LRRTM4: variants seen among roughly 807,000 people sequenced by gnomAD.
LRRTM4 encodes leucine rich repeat transmembrane neuronal 4, also known as leucine-rich repeat transmembrane neuronal protein 4.
In LRRTM4, 25 loss-of-function variants were observed where a neutral mutation model predicts 47.6. The observed-to-expected ratio is 0.53, with a 90% CI of 0.38 to 0.73. LRRTM4 has a LOEUF of 0.73. Among genes scored for constraint, LRRTM4 ranks in the 30% least tolerant of loss-of-function variants. The probability of loss-of-function intolerance (pLI) is 0.00; values close to 1 mark genes in which losing one functional copy is unlikely to be tolerated. For synonymous variants in LRRTM4, 311 were observed against 269.5 expected (o/e 1.15, Z -1.51); for missense variants, 638 against 713.4 (o/e 0.89, Z 1.20).
chr2:76,878,971 C>T (rs1672853261), intron 3 of LRRTM4, among the ~76,000 whole-genome samples: 1 of 152,100 alleles, frequency 6.6e-6, no homozygotes. Flanking sequence ...CCCAGCAAGT[C>T]CCTAAATCTC....
chr2:76,821,882 G>A (rs548333659), intron 3 of LRRTM4, among the ~76,000 whole-genome samples: 38 of 151,724 alleles, frequency 2.5e-4, no homozygotes, highest in African/African-American at 9.2e-4. Context: ...CTCTCTCCCT[G>A]TTCCTCCTGG....
intron 3 of LRRTM4, among the ~76,000 whole-genome samples, chr2:77,476,745 A>C (rs2104004107): frequency 6.6e-6 from 1 of 152,292 alleles, no homozygotes; most frequent in South Asian, 2.1e-4. Context: ...TTTACAAATT[A>C]ATAGTCTAAA....
chr2:77,208,323 A>G (rs1164796288), intron 3 of LRRTM4, among the ~76,000 whole-genome samples: 1 of 152,290 alleles, frequency 6.6e-6, no homozygotes, highest in South Asian at 2.1e-4. Flanking sequence ...AAAGAGAAGA[A>G]TGTAAGTCAT....
At chr2:77,127,595 T>A (rs756692422) in intron 3 of LRRTM4, among the ~76,000 whole-genome samples, 3 of 152,130 alleles carry the variant, frequency 2.0e-5, no homozygotes, top group Non-Finnish European at 2.9e-5. Context: ...GGTAATCCCC[T>A]CTCTCTCTTC....
At chr2:77,205,577 G>C (rs1674101175) in intron 3 of LRRTM4, among the ~76,000 whole-genome samples, 2 of 152,136 alleles carry the variant, frequency 1.3e-5, no homozygotes, top group African/African-American at 4.8e-5. Context: ...ACGGAGGCCA[G>C]AGCACAAAGA....
intron 3 of LRRTM4, among the ~76,000 whole-genome samples, chr2:77,438,623 G>T (rs1171192555): frequency 6.6e-6 from 1 of 151,990 alleles, no homozygotes; most frequent in East Asian, 1.9e-4. Context: ...AGCCAGGATG[G>T]TCTCGATCTC....
At chr2:77,058,077 T>A (rs1403112758) in intron 3 of LRRTM4, among the ~76,000 whole-genome samples, 2 of 152,186 alleles carry the variant, frequency 1.3e-5, no homozygotes, top group South Asian at 2.1e-4. Flanking sequence ...TCCCACCTTA[T>A]GGGAACATTT....
At chr2:76,854,024 A>G (rs1380094314) in intron 3 of LRRTM4, among the ~76,000 whole-genome samples, 2 of 152,152 alleles carry the variant, frequency 1.3e-5, no homozygotes, top group Non-Finnish European at 2.9e-5. Flanking sequence ...GAAATCATTT[A>G]TCATGGTCTC....
At chr2:77,107,939 G>C (rs1671143821) in intron 3 of LRRTM4, among the ~76,000 whole-genome samples, 1 of 151,746 alleles carries the variant, frequency 6.6e-6, no homozygotes, top group Admixed American at 6.6e-5. Context: ...AAATAACAAG[G>C]TAACACTACA....
At position 77,373,271 on chromosome 2, in the gene LRRTM4, AG is replaced by A. The variant is rs1672719029; in HGVS notation, c.1551+145046del. 1.3e-5 allele frequency among the ~76,000 whole-genome samples: 2 copies of A among 151,302 alleles called. 1 individual carries two copies. Among genetic ancestry groups the A allele is most frequent in the South Asian group, 4.1e-4 (2 of 4,828 alleles). The stretch of plus-strand genomic sequence containing the variant: ...TTTATAAACTAAATGGGTAATAAAC[AG>A]ATTGTGAAAGAAGTAAATAATATAT... On this transcript the variant is annotated intron_variant, in intron 3 of 3. Coordinates refer to ENST00000409884, the MANE Select transcript of LRRTM4 (RefSeq NM_001134745.3).
chr2:77,047,277 C>T (rs984870089), intron 3 of LRRTM4, among the ~76,000 whole-genome samples: 8 of 141,850 alleles, frequency 5.6e-5, no homozygotes. Context: ...CTCTTTTTTT[C>T]ACAGGTGTTC....
intron 3 of LRRTM4, among the ~76,000 whole-genome samples, chr2:76,832,984 A>G (rs1055913838): frequency 1.3e-5 from 2 of 152,058 alleles, no homozygotes; most frequent in Non-Finnish European, 2.9e-5. Flanking sequence ...CTTTTGCACT[A>G]TTAGCAAAAC....
At chr2:77,205,030 T>C (rs1483653702) in intron 3 of LRRTM4, among the ~76,000 whole-genome samples, 1 of 152,214 alleles carries the variant, frequency 6.6e-6, no homozygotes, top group Non-Finnish European at 1.5e-5. Flanking sequence ...GAAAGATTTA[T>C]AACTCCCTAT....
chr2:77,130,050 C>T (rs1298962806), intron 3 of LRRTM4, among the ~76,000 whole-genome samples: 1 of 152,088 alleles, frequency 6.6e-6, no homozygotes, highest in Non-Finnish European at 1.5e-5. Context: ...TAGGCTTAAT[C>T]TATGTTTAGT....
At chr2:77,257,273 A>C (rs1675795560) in intron 3 of LRRTM4, among the ~76,000 whole-genome samples, 1 of 152,072 alleles carries the variant, frequency 6.6e-6, no homozygotes, top group South Asian at 2.1e-4. Context: ...GCTATTCTAA[A>C]GAGAATTGGA....
chr2:77,326,191 C>G (rs887371730), intron 3 of LRRTM4, among the ~76,000 whole-genome samples: 5 of 152,158 alleles, frequency 3.3e-5, no homozygotes, highest in Non-Finnish European at 5.9e-5. Flanking sequence ...CACTTTTAAT[C>G]AAATTTAAGC....
At chr2:76,892,616 T>A (rs150360313) in intron 3 of LRRTM4, among the ~76,000 whole-genome samples, 1 of 151,586 alleles carries the variant, frequency 6.6e-6, no homozygotes, top group Non-Finnish European at 1.5e-5. Context: ...CAAGGAACCA[T>A]AGAATGAATG....
At chr2:76,832,160 GTATTT>G (rs773017454) in intron 3 of LRRTM4, among the ~76,000 whole-genome samples, 72 of 152,126 alleles carry the variant, frequency 4.7e-4, no homozygotes, top group Admixed American at 2.5e-3. Context: ...AGAGATGTCT[GTATTT>G]TATTTTATCT....
At chr2:77,001,030 T>C (rs767879688) in intron 3 of LRRTM4, among the ~76,000 whole-genome samples, 2 of 152,130 alleles carry the variant, frequency 1.3e-5, no homozygotes, top group Non-Finnish European at 2.9e-5. Flanking sequence ...ACAAATAAAA[T>C]ATTCTTCCTA....
Sources: gnomAD v4.1 joint callset for allele counts (sites outside exome capture counted in the v4.1 genomes callset) on GRCh38, gnomAD v4.1.1 for gene constraint, MANE v1.5 for transcripts, NCBI Gene and HGNC (gene_info 2026-07-23, HGNC 2026-07-21) for gene names.